Variants in ZNF423 observed in about 807,000 individuals in gnomAD.
ZNF423 encodes Ebf-associated zinc finger protein.
A neutral mutation model predicts 95.8 loss-of-function variants in ZNF423; 12 were observed. The observed-to-expected ratio is 0.13, with a 90% CI of 0.08 to 0.20. The LOEUF is 0.20. ZNF423 is among the 10% of genes least tolerant of loss of function. The pLI, the probability that ZNF423 is intolerant of heterozygous loss-of-function variation, is 1.00. For missense variants in ZNF423, 1,316 were observed against 1,737.1 expected (o/e 0.76, Z 4.31); for synonymous variants, 749 against 711.9 (o/e 1.05, Z -0.83).
intron 1 of ZNF423, among the ~76,000 whole-genome samples, chr16:49,852,083 T>C (rs1338694437): frequency 3.3e-5 from 5 of 152,192 alleles, no homozygotes. Context: ...CTCTATTTAT[T>C]ACATCTCAAT....
At chr16:49,601,344 G>C (rs1971366881) in intron 5 of ZNF423, among the ~76,000 whole-genome samples, 1 of 152,202 alleles carries the variant, frequency 6.6e-6, no homozygotes, top group African/African-American at 2.4e-5. Flanking sequence ...GGAGAGAATA[G>C]GGGTATCCCT....
intron 5 of ZNF423, among the ~76,000 whole-genome samples, chr16:49,618,196 CA>C (rs1971940249): frequency 6.6e-6 from 1 of 152,240 alleles, no homozygotes; most frequent in Admixed American, 6.5e-5. Flanking sequence ...TTGGACATGA[CA>C]CCTCAACTCC....
intron 5 of ZNF423, among the ~76,000 whole-genome samples, chr16:49,618,422 C>T (rs964381980): frequency 2.0e-4 from 31 of 152,078 alleles, no homozygotes; most frequent in Non-Finnish European, 2.1e-4. Flanking sequence ...CCCCACGTGT[C>T]GAGAGAGGAA....
chr16:49,501,038 A>G (rs1049417669), intron 7 of ZNF423, among the ~76,000 whole-genome samples: 3 of 152,214 alleles, frequency 2.0e-5, no homozygotes, highest in Non-Finnish European at 2.9e-5. Flanking sequence ...AGCACCTGTC[A>G]GCAGGGGTAC....
In ZNF423 at chr16:49,590,050, A is replaced by ATATATATATATATATATG. The variant is rs552421632; in HGVS notation, c.3601+36119_3601+36120insCATATATATATATATATA. 2.0e-3 allele frequency among the ~76,000 whole-genome samples: 232 copies of ATATATATATATATATATG among 117,566 alleles called. 20 individuals are homozygous for ATATATATATATATATATG. Among genetic ancestry groups the ATATATATATATATATATG allele is most frequent in the Middle Eastern group, 0.011 (2 of 186 alleles). The allele number at this position is 117,566 out of a possible 152,430, so 77.1% of individuals were successfully genotyped here. On this transcript the variant is annotated intron_variant, in intron 5 of 7. Transcript: ENST00000563137. The stretch of plus-strand genomic sequence containing the variant: ...GGCGAATATATATATATATATATAT[A>ATATATATATATATATATG]TTTGGTCCATACAGACGTGACCAGA...
At position 49,646,363 on chromosome 16, in the gene ZNF423, C is replaced by T. The variant is rs142049217; in HGVS notation, c.302-7489G>A. 2.2e-4 allele frequency among the ~76,000 whole-genome samples: 33 copies of T among 152,196 alleles called. No homozygotes were observed. The East Asian group carries it at 5.6e-3, about 26-fold the overall frequency. ...TCTTGGGAAACCAGGGGTACTTGCA[C>T]ACACCTGATGCCAGAACTAGCCATC... On this transcript the variant is annotated intron_variant, in intron 3 of 7. Coordinates refer to ENST00000563137, the MANE Select transcript of ZNF423 (RefSeq NM_001379286.1).
chr16:49,820,230 C>T (rs148865671), intron 1 of ZNF423, among the ~76,000 whole-genome samples: 250 of 152,224 alleles, frequency 1.6e-3, no homozygotes, highest in Non-Finnish European at 3.3e-3. Flanking sequence ...TGAAGGCAGA[C>T]CCCCTACCTC....
intron 7 of ZNF423, among the ~76,000 whole-genome samples, chr16:49,518,975 G>A (rs1272884782): frequency 6.6e-6 from 1 of 152,160 alleles, no homozygotes; most frequent in Non-Finnish European, 1.5e-5. Context: ...GAGGTGAAAG[G>A]ATGACATGAG....
At chr16:49,704,376 C>A (rs372103732) in intron 3 of ZNF423, among the ~76,000 whole-genome samples, 1 of 152,162 alleles carries the variant, frequency 6.6e-6, no homozygotes, top group African/African-American at 2.4e-5. Context: ...AGGGCTCTGA[C>A]ACCTTTCTCC....
chr16:49,812,469 G>A (rs939619678), intron 1 of ZNF423, among the ~76,000 whole-genome samples: 2 of 152,158 alleles, frequency 1.3e-5, no homozygotes, highest in Non-Finnish European at 2.9e-5. Context: ...CAAAGTGGGT[G>A]GATCTTTGGA....
intron 7 of ZNF423, among the ~76,000 whole-genome samples, chr16:49,509,422 A>G (rs895571358): frequency 6.6e-6 from 1 of 152,216 alleles, no homozygotes; most frequent in Non-Finnish European, 1.5e-5. Flanking sequence ...CACATTATTG[A>G]CACAGCAAAA....
At chr16:49,600,424 A>T (rs1173968938) in intron 5 of ZNF423, among the ~76,000 whole-genome samples, 3 of 152,260 alleles carry the variant, frequency 2.0e-5, no homozygotes, top group Non-Finnish European at 2.9e-5. Context: ...TCCCCACAGG[A>T]TGCGATGAAT....
chr16:49,840,262 A>T (rs990386284), intron 1 of ZNF423, among the ~76,000 whole-genome samples: 18 of 152,106 alleles, frequency 1.2e-4, no homozygotes, highest in East Asian at 1.9e-4. Context: ...AAGTTTTTTT[A>T]AAAAAAATTT....
intron 3 of ZNF423, among the ~76,000 whole-genome samples, chr16:49,659,140 G>A (rs1405151259): frequency 2.0e-5 from 3 of 152,198 alleles, no homozygotes; most frequent in East Asian, 3.8e-4. Flanking sequence ...CCAGGCTGCA[G>A]TGCAGTGGCG....
At chr16:49,854,531 G>A (rs1187848579) in intron 1 of ZNF423, 4 of 985,458 alleles carry the variant, frequency 4.1e-6, no homozygotes, top group African/African-American at 1.7e-5. Context: ...CAGGGGAGAT[G>A]GGAGAAGACA....
chr16:49,822,454 A>G lies in ZNF423; in HGVS notation c.41-32908T>C, dbSNP rs528929699. Among the ~76,000 whole-genome samples, 23 of 152,274 alleles carry G rather than the reference A, an allele frequency of 1.5e-4. No individual in the cohort carries two copies. In the South Asian group the frequency reaches 3.1e-3, roughly 21 times the overall value. On this transcript the variant is annotated intron_variant, in intron 1 of 7. Coordinates refer to ENST00000563137, the MANE Select transcript of ZNF423 (RefSeq NM_001379286.1). The stretch of plus-strand genomic sequence containing the variant: ...CTCCCAAAATGTTGGGATTACAGGC[A>G]TGAGCCACCACATCCGGCCCCCTGC...
chr16:49,660,310 T>C (rs918307777), intron 3 of ZNF423, among the ~76,000 whole-genome samples: 2 of 152,228 alleles, frequency 1.3e-5, no homozygotes, highest in Non-Finnish European at 2.9e-5. Context: ...GATGAAATAC[T>C]GAAGTCCAGG....
At chr16:49,745,935 G>T (rs934578231) in intron 2 of ZNF423, among the ~76,000 whole-genome samples, 1 of 152,162 alleles carries the variant, frequency 6.6e-6, no homozygotes, top group Non-Finnish European at 1.5e-5. Flanking sequence ...CCCACAGAAG[G>T]TCCAACTGGG....
chr16:49,705,471 A>G (rs1043559315), intron 3 of ZNF423, among the ~76,000 whole-genome samples: 1 of 152,170 alleles, frequency 6.6e-6, no homozygotes, highest in African/African-American at 2.4e-5. Context: ...GACTCTCTGG[A>G]TCTCTAGGTT....
Sources: gnomAD v4.1 joint callset for allele counts (sites outside exome capture counted in the v4.1 genomes callset) on GRCh38, gnomAD v4.1.1 for gene constraint, MANE v1.5 for transcripts, NCBI Gene and HGNC (gene_info 2026-07-23, HGNC 2026-07-21) for gene names.